The following ERMARD variants were observed in gnomAD, a reference collection of about 807,000 sequenced individuals.
ERMARD encodes the protein endoplasmic reticulum membrane-associated RNA degradation protein.
ERMARD carries 71 observed loss-of-function variants against 83.9 expected under a neutral mutation model. The observed-to-expected ratio is 0.85, with a 90% CI of 0.70 to 1.03. The LOEUF (loss-of-function observed/expected upper bound fraction) is 1.03, where lower values mean the gene tolerates loss of function less well. ERMARD is among the 50% of genes least tolerant of loss of function. The pLI is 0.00. For synonymous variants in ERMARD, 284 were observed against 298.6 expected, an observed-to-expected ratio of 0.95 and a Z score of 0.50; for missense variants, 838 against 810.9, an observed-to-expected ratio of 1.03 and a Z score of -0.41.
In ERMARD at chr6:169,762,563, T is replaced by C. The variant is rs188050052; in HGVS notation, c.960+32T>C. 6,977 of 1,557,500 alleles carry C rather than the reference T, an allele frequency of 4.5e-3. 26 individuals carry two copies. Among genetic ancestry groups the C allele is most frequent in the Non-Finnish European group, 5.8e-3 (6,533 of 1,132,946 alleles). On this transcript the variant is annotated intron_variant, in intron 9 of 17. Transcript: ENST00000366773. ...TTGTTTTTATTATTGATTGTGATCA[T>C]TGTTGCTGTATTAACAGTTTTCTGT...
Position 169,762,431 on chromosome 6 carries a change from T to C in ERMARD, c.860T>C (p.Phe287Ser), listed in dbSNP as rs1250528341. Residue 287 changes from phenylalanine (F) to serine (S), a missense_variant and splice_region_variant, in exon 9 of 18, where the codon TTT becomes TCT. Transcript: ENST00000366773. ...CTCTTTTCCCTTCAATTTCATAGGT[T>C]TGCTGACTGCGCCATATTGTTGCTG... ...VALVKFKSHR[F>S]ADCAILLLTQ... 1 of 1,613,712 alleles carries C rather than the reference T, an allele frequency of 6.2e-7. No individual in the cohort carries two copies. Among genetic ancestry groups the C allele is most frequent in the Non-Finnish European group, 8.5e-7 (1 of 1,179,792 alleles).
chr6:169,766,524 CA>C, intron 9 of ERMARD, 113 bp from the exon 10 acceptor site: 1 of 730,124 alleles, frequency 1.4e-6, no homozygotes, highest in Non-Finnish European at 2.2e-6. Context: ...TTTGTTTTAA[CA>C]AAAAACTTTG....
At chr6:169,773,544 C>G in intron 13 of ERMARD, 142 bp downstream of exon 13, 1 of 725,382 alleles carries the variant, frequency 1.4e-6, no homozygotes, top group Non-Finnish European at 2.3e-6. Flanking sequence ...AGTGCGGGGC[C>G]TGCTGTGGCG....
intron 17 of ERMARD, among the ~76,000 whole-genome samples, 174 bp downstream of exon 17, chr6:169,779,469 T>G (rs1011410334): frequency 1.3e-5 from 2 of 151,866 alleles, no homozygotes; most frequent in African/African-American, 4.9e-5. Flanking sequence ...TCCAAATGTC[T>G]CAAAACCATG....
intron 3 of ERMARD, chr6:169,755,684 C>G (rs1450850565): frequency 2.5e-6 from 1 of 406,912 alleles, no homozygotes; most frequent in South Asian, 3.4e-5. Context: ...CACACGGTGC[C>G]CATCCAAGGA....
intron 2 of ERMARD, among the ~76,000 whole-genome samples, chr6:169,754,585 TAAAC>T (rs1051740727): frequency 2.6e-5 from 4 of 152,230 alleles, no homozygotes; most frequent in Non-Finnish European, 5.9e-5. Context: ...GCTAAATAAA[TAAAC>T]AGCCAAACAT....
chr6:169,767,688 C>T (rs1470259456), intron 10 of ERMARD: 1 of 221,158 alleles, frequency 4.5e-6, no homozygotes, highest in Non-Finnish European at 9.1e-6. Context: ...ATGCACACAC[C>T]ACACACGAAC....
At chr6:169,755,168 T>C (rs1050458479) in intron 2 of ERMARD, 115 bp from the exon 3 acceptor site, 1 of 1,175,778 alleles carries the variant, frequency 8.5e-7, no homozygotes, top group Middle Eastern at 2.9e-4. Context: ...GGTAAGCTAA[T>C]TGTTGATTTT....
At chr6:169,755,718 G>A in intron 3 of ERMARD, 1 of 320,896 alleles carries the variant, frequency 3.1e-6, no homozygotes, top group Non-Finnish European at 5.8e-6. Flanking sequence ...TACTACTCCA[G>A]AATAAGGCGT....
chr6:169,764,816 C>T (rs1352413712), intron 9 of ERMARD, among the ~76,000 whole-genome samples: 1 of 152,202 alleles, frequency 6.6e-6, no homozygotes, highest in Non-Finnish European at 1.5e-5. Context: ...GTTCCTCACC[C>T]CCAGATTTTC....
chr6:169,756,542 A>G (rs895662206), intron 4 of ERMARD, 103 bp downstream of exon 4: 1 of 1,033,884 alleles, frequency 9.7e-7, no homozygotes, highest in African/African-American at 1.6e-5. Flanking sequence ...TTCCTATAAG[A>G]TAAAATCATT....
intron 12 of ERMARD, 90 bp downstream of exon 12, chr6:169,769,803 C>T: frequency 4.1e-6 from 5 of 1,217,090 alleles, no homozygotes; most frequent in Non-Finnish European, 3.3e-6. Flanking sequence ...AACTGTTAAT[C>T]ATCTTTTAAT....
intron 4 of ERMARD, 95 bp from the exon 5 acceptor site, chr6:169,756,624 C>T: frequency 2.6e-6 from 3 of 1,141,348 alleles, no homozygotes; most frequent in South Asian, 2.7e-5. Context: ...GTACTTTTCA[C>T]CCTTCATTTG....
At chr6:169,778,392 A>C (rs1335973258) in intron 16 of ERMARD, among the ~76,000 whole-genome samples, 1 of 152,240 alleles carries the variant, frequency 6.6e-6, no homozygotes, top group African/African-American at 2.4e-5. Context: ...ACAGCAGATT[A>C]ACGTGATTAA....
chr6:169,754,910 A>G (rs1790601044), intron 2 of ERMARD, among the ~76,000 whole-genome samples: 1 of 152,218 alleles, frequency 6.6e-6, no homozygotes, highest in Admixed American at 6.5e-5. Context: ...ATCAGGTTAC[A>G]AAATTGTATA....
intron 12 of ERMARD, chr6:169,773,053 T>G (rs1215543790): frequency 2.7e-6 from 1 of 376,360 alleles, no homozygotes; most frequent in Non-Finnish European, 4.7e-6. Context: ...CTTTTTTTTC[T>G]TATTCATCTC....
At chr6:169,764,012 G>A (rs764147891) in intron 9 of ERMARD, among the ~76,000 whole-genome samples, 6 of 152,026 alleles carry the variant, frequency 3.9e-5, no homozygotes, top group Non-Finnish European at 8.8e-5. Context: ...GTCCTCTGAC[G>A]CTCCCTCTGT....
chr6:169,760,340 A>G (rs1384896784), intron 7 of ERMARD, among the ~76,000 whole-genome samples: 1 of 152,172 alleles, frequency 6.6e-6, no homozygotes, highest in Non-Finnish European at 1.5e-5. Flanking sequence ...TTGTAGTAAT[A>G]TCAAGGGTCT....
intron 9 of ERMARD, among the ~76,000 whole-genome samples, chr6:169,763,140 A>T (rs1367017354): frequency 6.6e-6 from 1 of 152,024 alleles, no homozygotes; most frequent in East Asian, 1.9e-4. Flanking sequence ...AGAATTTCTC[A>T]TTTCTGCTCC....
Sources: gnomAD v4.1 joint callset for allele counts (sites outside exome capture counted in the v4.1 genomes callset) on GRCh38, gnomAD v4.1.1 for gene constraint, MANE v1.5 for transcripts, NCBI Gene and HGNC (gene_info 2026-07-23, HGNC 2026-07-21) for gene names.